NINL: variants seen among roughly 807,000 people sequenced by gnomAD.
The protein encoded by NINL is ninein like.
NINL carries 153 observed loss-of-function variants against 160.3 expected under a neutral mutation model. The observed-to-expected ratio is 0.95, with a 90% CI of 0.84 to 1.09. NINL has a LOEUF of 1.09. Ranked by LOEUF, NINL falls within the 50% of genes least tolerant of loss-of-function variation. The pLI, the probability that NINL is intolerant of heterozygous loss-of-function variation, is 0.00. For synonymous variants in NINL, 800 were observed against 734.8 expected (o/e 1.09, Z -1.43); for missense variants, 1,829 against 1,764.0 (o/e 1.04, Z -0.66).
At chr20:25,578,956 C>A (rs1227256822) in intron 1 of NINL, among the ~76,000 whole-genome samples, 1 of 152,038 alleles carries the variant, frequency 6.6e-6, no homozygotes, top group Non-Finnish European at 1.5e-5. Flanking sequence ...AGCCAGGCAA[C>A]ACAGTGAAAC....
rs548520498 is a variant in NINL, at chr20:25,475,931, C to A, written c.3248+112G>T. 4.4e-6 allele frequency: 5 copies of A among 1,136,412 alleles called. No individual in the cohort carries two copies. The Admixed American group carries it at 1.2e-4, about 27-fold the overall frequency. The allele number at this position is 1,136,412 out of a possible 1,614,324, so 70.4% of individuals were successfully genotyped here. On this transcript the variant is annotated intron_variant, in intron 17 of 23. Coordinates refer to ENST00000278886, the MANE Select transcript of NINL (RefSeq NM_025176.6). ...GCTACACAGCCCCCATCAGGGGCTGCGAGCTTGTCGGCAGGAAGGGCCACA... is the reference window on the plus strand; with the variant it reads ...GCTACACAGCCCCCATCAGGGGCTGAGAGCTTGTCGGCAGGAAGGGCCACA...
chr20:25,477,318 G>A (rs961609047), intron 16 of NINL, among the ~76,000 whole-genome samples: 5 of 152,224 alleles, frequency 3.3e-5, no homozygotes, highest in Non-Finnish European at 7.3e-5. Flanking sequence ...GGAAGCCCAA[G>A]CACGAACCCT....
intron 10 of NINL, among the ~76,000 whole-genome samples, 197 bp from the exon 11 acceptor site, chr20:25,491,722 G>T (rs899568972): frequency 6.6e-6 from 1 of 152,234 alleles, no homozygotes; most frequent in Non-Finnish European, 1.5e-5. Context: ...GCTGCTGGAG[G>T]TGACCCCAGA....
intron 2 of NINL, among the ~76,000 whole-genome samples, chr20:25,525,511 C>T (rs1335281109): frequency 1.3e-5 from 2 of 151,860 alleles, no homozygotes; most frequent in Non-Finnish European, 2.9e-5. Flanking sequence ...AAAATTAGGC[C>T]GGTGTGGTGG....
rs542645895 is a variant in NINL at position 25,490,687 on chromosome 20, A to G, written c.1485+664T>C. Among the ~76,000 whole-genome samples, 34 of 152,212 alleles carry G rather than the reference A, an allele frequency of 2.2e-4. No individual in the cohort carries two copies. In the South Asian group the frequency reaches 4.1e-3, roughly 19 times the overall value. On this transcript the variant is annotated intron_variant, in intron 11 of 23. Transcript: ENST00000278886. ...CAGATATCGTACCAGGACAGCTCAGACAGCCATTGCCAGGGGAGGAGGCAG... is the reference window on the plus strand; with the variant it reads ...CAGATATCGTACCAGGACAGCTCAGGCAGCCATTGCCAGGGGAGGAGGCAG...
chr20:25,546,868 T>TC (rs990083371), intron 1 of NINL, among the ~76,000 whole-genome samples: 3 of 152,038 alleles, frequency 2.0e-5, no homozygotes, highest in African/African-American at 7.2e-5. Flanking sequence ...AGAATGTATT[T>TC]CCCTCTGTTC....
In NINL at chr20:25,467,373, G is replaced by C; in HGVS notation, c.3423+16C>G. On this transcript the variant is annotated intron_variant, in intron 19 of 23. Transcript: ENST00000278886. ...GAATGGTGGCATGAGCTCCATGCCA[G>C]GCGTCGATACGTCACCTGTCTGTTG... 1.2e-6 allele frequency: 2 copies of C among 1,600,480 alleles called. No homozygotes were observed. Among genetic ancestry groups the C allele is most frequent in the Non-Finnish European group, 1.7e-6 (2 of 1,167,336 alleles).
intron 1 of NINL, chr20:25,540,174 T>C (rs1304699216): frequency 4.3e-6 from 2 of 465,508 alleles, no homozygotes; most frequent in Non-Finnish European, 7.1e-6. Context: ...TTGAGGGCAA[T>C]ATTCCAGATA....
chr20:25,529,734 G>C (rs745424648), intron 1 of NINL, among the ~76,000 whole-genome samples: 1 of 152,150 alleles, frequency 6.6e-6, no homozygotes, highest in Non-Finnish European at 1.5e-5. Flanking sequence ...CAGCTACTTG[G>C]GAGACTTAGG....
chr20:25,461,649 A>G lies in NINL; in HGVS notation c.3583-14T>C, dbSNP rs1431961859. The G allele has an allele frequency of 6.5e-7, 1 of 1,527,080 alleles. No homozygotes were observed. Among genetic ancestry groups the G allele is most frequent in the African/African-American group, 1.4e-5 (1 of 73,174 alleles). 94.6% of individuals were successfully genotyped at this position (1,527,080 alleles called of 1,614,324 possible). On this transcript the variant is annotated splice_polypyrimidine_tract_variant and intron_variant, in intron 20 of 23. Coordinates refer to ENST00000278886, the MANE Select transcript of NINL (RefSeq NM_025176.6). ...GATTTGGTCACTCTGTTTTTAAAAAATCAATTGCACAAGTCAAGAAGTATC... is the reference window on the plus strand; with the variant it reads ...GATTTGGTCACTCTGTTTTTAAAAAGTCAATTGCACAAGTCAAGAAGTATC...
At chr20:25,475,257 C>A (rs1305959175) in intron 17 of NINL, among the ~76,000 whole-genome samples, 16 of 151,508 alleles carry the variant, frequency 1.1e-4, no homozygotes, top group Admixed American at 1.1e-3. Context: ...TCAAAAAAAA[C>A]AAAAAACAAA....
intron 11 of NINL, among the ~76,000 whole-genome samples, chr20:25,490,986 G>A (rs182876803): frequency 3.6e-4 from 54 of 151,946 alleles, no homozygotes; most frequent in Admixed American, 1.6e-3. Context: ...AGCCAGCCTC[G>A]GGCAGGCTGG....
chr20:25,502,202 C>T lies in NINL; in HGVS notation c.862-1192G>A, dbSNP rs143601673. 3.2e-3 allele frequency among the ~76,000 whole-genome samples: 479 copies of T among 151,908 alleles called. 1 individual carries two copies. The highest frequency in any genetic ancestry group is 0.014 in the Middle Eastern group (4 of 288). ...TTACCATGTTAGCCAGGCTGGTCTC[C>T]AACTCCTGACCTCAAATGATCCGCC... is the stretch of plus-strand genomic sequence containing the variant. On this transcript the variant is annotated intron_variant, in intron 7 of 23. Coordinates refer to ENST00000278886, the MANE Select transcript of NINL (RefSeq NM_025176.6).
intron 13 of NINL, among the ~76,000 whole-genome samples, chr20:25,486,618 C>T (rs566805202): frequency 7.6e-5 from 9 of 118,084 alleles, no homozygotes; most frequent in African/African-American, 2.9e-4. Context: ...CCGCTCATCA[C>T]ACATAGGATT....
rs568560169 is a variant in NINL at position 25,453,186 on chromosome 20, G to C, written c.*265C>G. On this transcript the variant is annotated 3_prime_UTR_variant, in exon 24 of 24. Coordinates refer to ENST00000278886, the MANE Select transcript of NINL (RefSeq NM_025176.6). ...ACAGCTCCCAGGATCTGGCTCCAGA[G>C]AGTGGCAAAACTGGGAATTTTGCCA... is the stretch of plus-strand genomic sequence containing the variant. 3.0e-6 allele frequency: 1 copy of C among 332,826 alleles called. No individual in the cohort carries two copies. The highest frequency in any genetic ancestry group is 4.7e-5 in the Admixed American group (1 of 21,388). The allele number at this position is 332,826 out of a possible 1,614,324, so 20.6% of individuals were successfully genotyped here. A position where few individuals can be genotyped will look rare whatever the true frequency, so the allele number is the denominator to read the frequency against.
intron 1 of NINL, among the ~76,000 whole-genome samples, chr20:25,554,666 G>C (rs2064847518): frequency 6.7e-6 from 1 of 149,402 alleles, no homozygotes; most frequent in Non-Finnish European, 1.5e-5. Flanking sequence ...AATTAGCTAG[G>C]TGTGGTGATG....
chr20:25,498,844 C>T (rs1164706863), intron 8 of NINL: 14 of 946,664 alleles, frequency 1.5e-5, no homozygotes, highest in Non-Finnish European at 1.8e-5. Flanking sequence ...CTTTCCAGAG[C>T]GGGGTGTTCC....
intron 1 of NINL, among the ~76,000 whole-genome samples, chr20:25,578,513 GC>G (rs2065140396): frequency 6.6e-6 from 1 of 152,126 alleles, no homozygotes; most frequent in Non-Finnish European, 1.5e-5. Context: ...AATTTGATTA[GC>G]TGGGCGCAGT....
At chr20:25,501,086 C>T in intron 7 of NINL, 76 bp from the exon 8 acceptor site, 1 of 1,505,472 alleles carries the variant, frequency 6.6e-7, no homozygotes. Context: ...TGCTCTCCAC[C>T]CTCCCCAGCC....
Sources: allele counts gnomAD v4.1 joint callset (sites outside exome capture counted in the v4.1 genomes callset), GRCh38; gene constraint gnomAD v4.1.1; transcripts MANE v1.5; gene names NCBI Gene and HGNC (gene_info 2026-07-23, HGNC 2026-07-21).